AGRN: variants seen among roughly 807,000 people sequenced by gnomAD.
AGRN encodes the protein agrin, also known as agrin proteoglycan.
In AGRN, 106 loss-of-function variants were observed where a neutral mutation model predicts 211.0. The observed-to-expected ratio is 0.50, with a 90% CI of 0.43 to 0.59. AGRN has a LOEUF of 0.59. Ranked by LOEUF, AGRN falls within the 20% of genes least tolerant of loss-of-function variation. AGRN has a pLI of 0.00. For missense variants in AGRN, 3,040 were observed against 2,982.6 expected, an observed-to-expected ratio of 1.02 and a Z score of -0.45; for synonymous variants, 1,525 against 1,332.5, an observed-to-expected ratio of 1.14 and a Z score of -3.15.
At chr1:1,026,092 G>A (rs1056979641) in intron 2 of AGRN, among the ~76,000 whole-genome samples, 1 of 151,946 alleles carries the variant, frequency 6.6e-6, no homozygotes, top group Non-Finnish European at 1.5e-5. Context: ...GGGCCGGGCT[G>A]AGCTGGTGGA....
Position 1,054,806 on chromosome 1 carries a change from C to T in AGRN, c.5981-18C>T, listed in dbSNP as rs1353185246. The T allele has an allele frequency of 1.3e-6, 2 of 1,550,396 alleles. No homozygotes were observed. Among genetic ancestry groups the T allele is most frequent in the Non-Finnish European group, 1.7e-6 (2 of 1,150,344 alleles). ...TCACTGAGTCACAGCCGGGTGACTC[C>T]CACTGTCTGTGCTGCAGGGGGCCTG... On this transcript the variant is annotated intron_variant, in intron 35 of 35. Transcript: ENST00000379370.
chr1:1,049,940 C>A lies in AGRN; in HGVS notation c.4782C>A (p.Pro1594=). 6.2e-7 allele frequency: 1 copy of A among 1,611,902 alleles called. No individual in the cohort carries two copies. Among genetic ancestry groups the A allele is most frequent in the Non-Finnish European group, 8.5e-7 (1 of 1,179,694 alleles). The change falls in exon 27 of 36, where the codon CCC becomes CCA. Residue 1594 remains proline, a synonymous_variant. Coordinates refer to ENST00000379370, the MANE Select transcript of AGRN (RefSeq NM_198576.4). ...CCGATGAGAAGAGCCCCTGCCAGCC[C>A]AACCCCTGCCATGGGGCGGCGCCCT... is the stretch of plus-strand genomic sequence containing the variant. ...TCADEKSPCQ[P]NPCHGAAPCR...
At position 1,041,393 on chromosome 1, in the gene AGRN, T is replaced by C. The variant is rs1644932222; in HGVS notation, c.948T>C (p.Pro316=). The C allele has an allele frequency of 6.5e-7, 1 of 1,544,728 alleles. No individual in the cohort carries two copies. The highest frequency in any genetic ancestry group is 8.7e-7 in the Non-Finnish European group (1 of 1,152,072). The change falls in exon 5 of 36, where the codon CCT becomes CCC. Residue 316 remains proline (P), a synonymous_variant. Coordinates refer to ENST00000379370, the MANE Select transcript of AGRN (RefSeq NM_198576.4). The part of the protein sequence containing the change: ...QENVFKKFDG[P]CDPCQGALPD... ...ATGTCTTCAAGAAGTTCGACGGCCC[T>C]TGTGGTGAGCGCGGCGGCGGGCGCA...
chr1:1,049,112 G>A (rs1043776010), intron 24 of AGRN, 53 bp downstream of exon 24: 3 of 958,902 alleles, frequency 3.1e-6, no homozygotes, highest in Middle Eastern at 3.5e-4. Flanking sequence ...GGGAGGGGAC[G>A]GGCGGGGGAG....
chr1:1,038,163 T>C (rs2100619200), intron 3 of AGRN, among the ~76,000 whole-genome samples: 1 of 152,242 alleles, frequency 6.6e-6, no homozygotes, highest in Middle Eastern at 3.4e-3. Flanking sequence ...CATCAAATGC[T>C]GTGAGGGAGA....
At chr1:1,047,259 G>C in intron 19 of AGRN, 68 bp from the exon 20 acceptor site, 8 of 1,539,120 alleles carry the variant, frequency 5.2e-6, no homozygotes, top group Non-Finnish European at 7.0e-6. Context: ...TGCTGCTGGG[G>C]CCTGTGCCTG....
rs888856830 is a variant in AGRN at position 1,032,943 on chromosome 1, C to T, written c.464-2334C>T. Reference sequence around the variant, plus strand: ...GACCGGACGGGCCCCTCCCTTACCCCCGGATCCCCCGGCTGGGCAGCGGCC... The same window carrying T: ...GACCGGACGGGCCCCTCCCTTACCCTCGGATCCCCCGGCTGGGCAGCGGCC... On this transcript the variant is annotated intron_variant, in intron 2 of 35. Coordinates refer to ENST00000379370, the MANE Select transcript of AGRN (RefSeq NM_198576.4). This position sits in a 1 kb window ranked among gnomAD's most constrained non-coding sequence, Gnocchi z 4.7. 9.9e-5 allele frequency among the ~76,000 whole-genome samples: 15 copies of T among 152,196 alleles called. No individual in the cohort carries two copies. The highest frequency in any genetic ancestry group is 3.6e-4 in the African/African-American group (15 of 41,528).
intron 2 of AGRN, among the ~76,000 whole-genome samples, chr1:1,026,506 C>A (rs1186462404): frequency 6.6e-6 from 1 of 152,182 alleles, no homozygotes; most frequent in African/African-American, 2.4e-5. Flanking sequence ...TGACTCTGCC[C>A]CCATCACTGC....
rs1203261520 is a variant in AGRN at position 1,031,116 on chromosome 1, CTG to C, written c.464-4156_464-4155del. On this transcript the variant is annotated intron_variant, in intron 2 of 35. Transcript: ENST00000379370. The surrounding 1 kb of genome is among the most constrained non-coding windows in gnomAD (Gnocchi z 4.8). ...GTGTGTGTGTGTGCGGTGCATGGTG[CTG>C]TGTGAGATGTGTGTGTGTGCAGTGC... Among the ~76,000 whole-genome samples the C allele has an allele frequency of 8.9e-6, 1 of 112,334 alleles. No homozygotes were observed. Among genetic ancestry groups the C allele is most frequent in the African/African-American group, 3.6e-5 (1 of 27,522 alleles). 73.7% of individuals were successfully genotyped at this position (112,334 alleles called of 152,430 possible).
chr1:1,043,136 C>T, intron 7 of AGRN, 103 bp from the exon 8 acceptor site: 1 of 1,301,076 alleles, frequency 7.7e-7, no homozygotes, highest in Non-Finnish European at 1.1e-6. Context: ...TCTCTTCCTC[C>T]ACCATCCCCT....
chr1:1,047,455 G>A lies in AGRN; in HGVS notation c.3516+1G>A. The A allele has an allele frequency of 6.2e-7, 1 of 1,612,718 alleles. No individual in the cohort carries two copies. The highest frequency in any genetic ancestry group is 8.5e-7 in the Non-Finnish European group (1 of 1,179,964). ...GACAGCCAGGAGCATTGAGAGCACC[G>A]TAAGACGGGGGCGCAGCCCCCACCT... On this transcript the variant is annotated splice_donor_variant, in intron 20 of 35. Transcript: ENST00000379370. LOFTEE classifies it high-confidence loss of function.
chr1:1,021,433 T>G (rs1644400182), intron 1 of AGRN, among the ~76,000 whole-genome samples: 1 of 152,192 alleles, frequency 6.6e-6, no homozygotes, highest in Non-Finnish European at 1.5e-5. Flanking sequence ...GTCCTGAGGC[T>G]CCCAGCAGGG....
chr1:1,025,981 G>GC (rs1194476865), intron 2 of AGRN, among the ~76,000 whole-genome samples: 1 of 152,082 alleles, frequency 6.6e-6, no homozygotes, highest in African/African-American at 2.4e-5. Flanking sequence ...CCCTGCCTTG[G>GC]CCTGGGGGGG....
In AGRN at chr1:1,020,169, C is replaced by T. The variant is rs1364967078; in HGVS notation, c.-4C>T. The T allele has an allele frequency of 6.0e-6, 8 of 1,325,062 alleles. No individual in the cohort carries two copies. The highest frequency in any genetic ancestry group is 1.6e-5 in the African/African-American group (1 of 64,258). The allele number at this position is 1,325,062 out of a possible 1,614,324, so 82.1% of individuals were successfully genotyped here. A position where few individuals can be genotyped will look rare whatever the true frequency, so the allele number is the denominator to read the frequency against. On this transcript the variant is annotated 5_prime_UTR_variant, in exon 1 of 36. Transcript: ENST00000379370. ...GCGCTCCTCCGCCGCCTCTCGCCTGCGCCATGGCCGGCCGGTCCCACCCGG... is the reference window on the plus strand; with the variant it reads ...GCGCTCCTCCGCCGCCTCTCGCCTGTGCCATGGCCGGCCGGTCCCACCCGG...
At chr1:1,034,734 G>C in intron 2 of AGRN, 2 of 1,008,298 alleles carry the variant, frequency 2.0e-6, no homozygotes, top group Non-Finnish European at 2.4e-6. Flanking sequence ...CGTCGCACTG[G>C]CCAAGCCCCA....
rs913969755 is a variant in AGRN at position 1,033,648 on chromosome 1, C to T, written c.464-1629C>T. Among the ~76,000 whole-genome samples, 1,106 of 128,102 alleles carry T rather than the reference C, an allele frequency of 8.6e-3. 5 individuals carry two copies. Among genetic ancestry groups the T allele is most frequent in the Non-Finnish European group, 0.015 (878 of 58,654 alleles). The allele number at this position is 128,102 out of a possible 152,430, so 84.0% of individuals were successfully genotyped here. A position where few individuals can be genotyped will look rare whatever the true frequency, so the allele number is the denominator to read the frequency against. On this transcript the variant is annotated intron_variant, in intron 2 of 35. Coordinates refer to ENST00000379370, the MANE Select transcript of AGRN (RefSeq NM_198576.4). ...CCACCCCCGGCCCAGCCCCAGCGCCCCCAGTCCCACCCCCGGCCCCAGCTT... is the reference window on the plus strand; with the variant it reads ...CCACCCCCGGCCCAGCCCCAGCGCCTCCAGTCCCACCCCCGGCCCCAGCTT...
chr1:1,040,110 G>A (rs922210477), intron 3 of AGRN, among the ~76,000 whole-genome samples: 2 of 152,314 alleles, frequency 1.3e-5, no homozygotes, highest in Admixed American at 1.3e-4. Flanking sequence ...GGCCCCTGAG[G>A]GCCAGACGCG....
intron 1 of AGRN, among the ~76,000 whole-genome samples, chr1:1,021,592 C>T (rs28555183): frequency 0.013 from 1,922 of 152,352 alleles, 38 homozygotes; most frequent in African/African-American, 0.044. Flanking sequence ...GCCGCCAGGT[C>T]GGCTGTAGCC....
At position 1,055,077 on chromosome 1, in the gene AGRN, G is replaced by A. The variant is rs907683556; in HGVS notation, c.*96G>A. The stretch of plus-strand genomic sequence containing the variant: ...TTTTCTTGCCTGAGTGTTGGCCGGA[G>A]GGACTGCTGGCCCGGCCTCCCTTCC... On this transcript the variant is annotated 3_prime_UTR_variant, in exon 36 of 36. Transcript: ENST00000379370. 6.6e-7 allele frequency: 1 copy of A among 1,509,808 alleles called. No individual in the cohort carries two copies. The highest frequency in any genetic ancestry group is 8.9e-7 in the Non-Finnish European group (1 of 1,124,648). 93.5% of individuals were successfully genotyped at this position (1,509,808 alleles called of 1,614,324 possible).
Sources: allele counts gnomAD v4.1 joint callset (sites outside exome capture counted in the v4.1 genomes callset), GRCh38; gene constraint gnomAD v4.1.1; non-coding constraint Gnocchi (gnomAD v3.1); transcripts MANE v1.5; gene names NCBI Gene and HGNC (gene_info 2026-07-23, HGNC 2026-07-21).